KCNH8: variants seen among roughly 807,000 people sequenced by gnomAD.
KCNH8 encodes the protein voltage-gated delayed rectifier potassium channel KCNH8.
KCNH8 carries 70 observed loss-of-function variants against 103.6 expected under a neutral mutation model. That is an observed-to-expected ratio of 0.68 (90% CI 0.56 to 0.82). The LOEUF (loss-of-function observed/expected upper bound fraction) is 0.82, where lower values mean the gene tolerates loss of function less well. Ranked by LOEUF, KCNH8 falls within the 40% of genes least tolerant of loss-of-function variation. The pLI, the probability that KCNH8 is intolerant of heterozygous loss-of-function variation, is 0.00. For missense variants in KCNH8, 1,217 were observed against 1,329.9 expected (o/e 0.92, Z 1.32); for synonymous variants, 498 against 489.4 (o/e 1.02, Z -0.23).
At chr3:19,236,836 AC>A (rs1226346791) in intron 1 of KCNH8, among the ~76,000 whole-genome samples, 2 of 152,250 alleles carry the variant, frequency 1.3e-5, no homozygotes, top group Non-Finnish European at 2.9e-5. Flanking sequence ...CTAGGTTTCA[AC>A]ATCCTATGTG....
At chr3:19,177,785 T>C (rs1224073987) in intron 1 of KCNH8, among the ~76,000 whole-genome samples, 1 of 152,102 alleles carries the variant, frequency 6.6e-6, no homozygotes, top group African/African-American at 2.4e-5. Flanking sequence ...ATACATGAAA[T>C]TGACTTAACC....
chr3:19,367,235 A>C (rs1416187667), intron 5 of KCNH8, among the ~76,000 whole-genome samples: 2 of 151,724 alleles, frequency 1.3e-5, no homozygotes, highest in Non-Finnish European at 2.9e-5. Flanking sequence ...TTATCCTTGA[A>C]GTATCATCTG....
At chr3:19,448,800 C>A in intron 8 of KCNH8, 1 of 238,148 alleles carries the variant, frequency 4.2e-6, no homozygotes, top group Non-Finnish European at 8.8e-6. Flanking sequence ...TGATTTTACC[C>A]AACACATAAG....
chr3:19,162,070 A>G (rs1379646337), intron 1 of KCNH8, among the ~76,000 whole-genome samples: 1 of 152,138 alleles, frequency 6.6e-6, no homozygotes, highest in Non-Finnish European at 1.5e-5. Flanking sequence ...TGAGCCTTTT[A>G]TGTTTTCTTT....
chr3:19,175,262 C>T (rs1194970212), intron 1 of KCNH8, among the ~76,000 whole-genome samples: 2 of 149,208 alleles, frequency 1.3e-5, no homozygotes, highest in African/African-American at 5.0e-5. Flanking sequence ...CGCTCTGTCA[C>T]CCAGGCTGGA....
chr3:19,258,977 A>G (rs892730741), intron 2 of KCNH8, among the ~76,000 whole-genome samples: 1 of 130,154 alleles, frequency 7.7e-6, no homozygotes, highest in Non-Finnish European at 1.7e-5. Flanking sequence ...ATATATATAT[A>G]TATATCTGGA....
At chr3:19,157,865 TA>T (rs939305896) in intron 1 of KCNH8, among the ~76,000 whole-genome samples, 66 of 151,966 alleles carry the variant, frequency 4.3e-4, no homozygotes, top group African/African-American at 1.5e-3. Context: ...TGGAACACTT[TA>T]TTAGTAACAC....
intron 11 of KCNH8, among the ~76,000 whole-genome samples, chr3:19,477,910 A>G (rs899171900): frequency 7.2e-5 from 11 of 151,784 alleles, no homozygotes; most frequent in Non-Finnish European, 1.6e-4. Flanking sequence ...TAATTTTTCA[A>G]CCCTGACCCC....
At position 19,510,414 on chromosome 3, in the gene KCNH8, C is replaced by A. The variant is rs535124538; in HGVS notation, c.2079+13C>A. The A allele has an allele frequency of 6.6e-7, 1 of 1,508,852 alleles. No homozygotes were observed. Among genetic ancestry groups the A allele is most frequent in the Non-Finnish European group, 9.2e-7 (1 of 1,084,408 alleles). 93.5% of individuals were successfully genotyped at this position (1,508,852 alleles called of 1,614,324 possible). On this transcript the variant is annotated intron_variant, in intron 12 of 15. Transcript: ENST00000328405. The stretch of plus-strand genomic sequence containing the variant: ...TATGGTCTCACAGGTATGGCTTTTG[C>A]TACACAGCAAAATATTTATCTAAAA...
chr3:19,242,185 T>C (rs1393810288), intron 1 of KCNH8, among the ~76,000 whole-genome samples: 1 of 152,176 alleles, frequency 6.6e-6, no homozygotes, highest in Non-Finnish European at 1.5e-5. Flanking sequence ...CTTTAAAGAA[T>C]TTAAAACAGG....
chr3:19,308,498 C>G (rs1410673540), intron 3 of KCNH8, among the ~76,000 whole-genome samples: 2 of 151,794 alleles, frequency 1.3e-5, no homozygotes, highest in African/African-American at 4.8e-5. Flanking sequence ...TTGATGATTC[C>G]CCACAATCTT....
chr3:19,272,573 G>A (rs2064604265), intron 2 of KCNH8, among the ~76,000 whole-genome samples: 1 of 152,044 alleles, frequency 6.6e-6, no homozygotes, highest in Non-Finnish European at 1.5e-5. Context: ...CTTTCATCCA[G>A]TTTTTCTTCC....
intron 5 of KCNH8, among the ~76,000 whole-genome samples, chr3:19,361,500 T>C (rs1207870900): frequency 1.3e-5 from 2 of 152,142 alleles, no homozygotes; most frequent in Non-Finnish European, 2.9e-5. Flanking sequence ...ATTTCCTACA[T>C]CCACTTGAGT....
intron 7 of KCNH8, among the ~76,000 whole-genome samples, chr3:19,430,535 T>C (rs191864324): frequency 5.7e-4 from 87 of 152,286 alleles, no homozygotes; most frequent in Admixed American, 1.6e-3. Context: ...CCAATGGTAG[T>C]TTAATAGGAA....
chr3:19,318,774 T>G (rs113834759), intron 3 of KCNH8, among the ~76,000 whole-genome samples: 1 of 151,672 alleles, frequency 6.6e-6, no homozygotes, highest in Non-Finnish European at 1.5e-5. Flanking sequence ...TCACCAACAG[T>G]GTAAAGGTGT....
At chr3:19,522,681 C>CTTCT (rs567786178) in intron 15 of KCNH8, among the ~76,000 whole-genome samples, 222 of 151,930 alleles carry the variant, frequency 1.5e-3, no homozygotes, top group Non-Finnish European at 1.9e-3. Context: ...CAACAAATGT[C>CTTCT]TTCTGTTTGT....
intron 1 of KCNH8, among the ~76,000 whole-genome samples, chr3:19,246,634 G>A (rs2064210565): frequency 6.6e-6 from 1 of 152,068 alleles, no homozygotes; most frequent in Non-Finnish European, 1.5e-5. Flanking sequence ...AAGTTAAAAT[G>A]GGTATACAAT....
chr3:19,395,297 T>G lies in KCNH8; in HGVS notation c.1163T>G (p.Leu388Arg), dbSNP rs772575600. Residue 388 changes from leucine to arginine, a missense_variant, in exon 7 of 16, where the codon CTG becomes CGG. Leu to Arg is a moderately radical substitution (Grantham distance 102). Coordinates refer to ENST00000328405, the MANE Select transcript of KCNH8 (RefSeq NM_144633.3). ...ATGGAGAGGGAAGACAACAGCCTTC[T>G]GAAGTGGGAAGTTGGTAAGGGCTTA... ...GKMEREDNSL[L>R]KWEVGWLHEL... 1.6e-5 allele frequency: 26 copies of G among 1,610,176 alleles called. No individual in the cohort carries two copies. The highest frequency in any genetic ancestry group is 2.5e-6 in the Non-Finnish European group (3 of 1,177,934).
intron 11 of KCNH8, among the ~76,000 whole-genome samples, chr3:19,489,468 G>A (rs1024533145): frequency 2.0e-5 from 3 of 152,056 alleles, no homozygotes; most frequent in African/African-American, 7.2e-5. Context: ...ATTGATCTGG[G>A]TGCCCTGGCT....
Sources: allele counts gnomAD v4.1 joint callset (sites outside exome capture counted in the v4.1 genomes callset), GRCh38; gene constraint gnomAD v4.1.1; transcripts MANE v1.5; gene names NCBI Gene and HGNC (gene_info 2026-07-23, HGNC 2026-07-21).